The following MED26 variants were observed in gnomAD, a reference collection of about 807,000 sequenced individuals.
The protein encoded by MED26 is mediator of RNA polymerase II transcription subunit 26.
Under a neutral mutation model 43.7 loss-of-function variants are expected in MED26, and 7 were observed. The observed-to-expected ratio is 0.16, with a 90% CI of 0.09 to 0.30. The LOEUF is 0.30. MED26 is among the 10% of genes least tolerant of loss of function. The probability of loss-of-function intolerance (pLI) is 1.00; values close to 1 mark genes in which losing one functional copy is unlikely to be tolerated. For missense variants in MED26, 784 were observed against 840.6 expected (o/e 0.93, Z 0.83); for synonymous variants, 375 against 371.1 (o/e 1.01, Z -0.12).
At chr19:16,615,966 C>CA (rs2086224401) in intron 1 of MED26, among the ~76,000 whole-genome samples, 1 of 152,196 alleles carries the variant, frequency 6.6e-6, no homozygotes, top group Non-Finnish European at 1.5e-5. Context: ...CTGATTGGGT[C>CA]ACAGGTCTGT....
In MED26 at chr19:16,577,165, G is replaced by A. The variant is rs1240868433; in HGVS notation, c.665C>T (p.Pro222Leu). The A allele has an allele frequency of 1.2e-6, 2 of 1,613,334 alleles. No individual in the cohort carries two copies. The highest frequency in any genetic ancestry group is 3.3e-5 in the Admixed American group (2 of 60,036). Residue 222 changes from proline (P) to leucine (L), a missense_variant, in exon 3 of 3, where the codon CCC becomes CTC. By Grantham distance (98) the Pro-to-Leu change is moderately conservative. Transcript: ENST00000263390. The surrounding 1 kb of genome is among the most constrained non-coding windows in gnomAD (Gnocchi z 8.1). ...GGTGTGCGGTCGCACGGCGTTGACG[G>A]GGATCTTGCCACTGTGCTTGTCATT... ...DENDKHSGKI[P>L]VNAVRPHTSS...
chr19:16,586,953 T>C lies in MED26; in HGVS notation c.73-8544A>G, dbSNP rs2086073577. On this transcript the variant is annotated intron_variant, in intron 1 of 2. Transcript: ENST00000263390. The surrounding 1 kb of genome is among the most constrained non-coding windows in gnomAD (Gnocchi z 5.1). ...TAATGCAGAATGGTCTAGACAGTAA[T>C]TTACAAAAACTACTTAGCTCAAAAG... is the stretch of plus-strand genomic sequence containing the variant. The C allele has an allele frequency of 6.6e-6, 1 of 151,322 alleles. No homozygotes were observed. Among genetic ancestry groups the C allele is most frequent in the African/African-American group, 2.4e-5 (1 of 41,116 alleles). 9.4% of individuals were successfully genotyped at this position (151,322 alleles called of 1,614,324 possible). A position where few individuals can be genotyped will look rare whatever the true frequency, so the allele number is the denominator to read the frequency against.
chr19:16,605,651 C>T (rs962140741), intron 1 of MED26, among the ~76,000 whole-genome samples: 7 of 152,044 alleles, frequency 4.6e-5, no homozygotes, highest in East Asian at 1.9e-4. Flanking sequence ...CCCAGCCAGG[C>T]GGCACTAGAG....
In MED26 at chr19:16,575,543, G is replaced by A. The variant is rs1184572491; in HGVS notation, c.*484C>T. 6.3e-6 allele frequency: 1 copy of A among 159,024 alleles called. No individual in the cohort carries two copies. The highest frequency in any genetic ancestry group is 1.4e-5 in the Non-Finnish European group (1 of 71,820). The allele number at this position is 159,024 out of a possible 1,614,324, so 9.9% of individuals were successfully genotyped here. A position where few individuals can be genotyped will look rare whatever the true frequency, so the allele number is the denominator to read the frequency against. On this transcript the variant is annotated 3_prime_UTR_variant, in exon 3 of 3. Transcript: ENST00000263390. Reference sequence around the variant, plus strand: ...GCTGGGTAGGGAGCAAACAGAGGCAGTGGCATGGCCCACTGTCTCAAGACA... The same window carrying A: ...GCTGGGTAGGGAGCAAACAGAGGCAATGGCATGGCCCACTGTCTCAAGACA...
In MED26 at chr19:16,586,279, G is replaced by A. The variant is rs116503217; in HGVS notation, c.73-7870C>T. 1.2e-3 allele frequency among the ~76,000 whole-genome samples: 180 copies of A among 152,362 alleles called. No individual in the cohort carries two copies. The highest frequency in any genetic ancestry group is 4.1e-3 in the African/African-American group (172 of 41,584). On this transcript the variant is annotated intron_variant, in intron 1 of 2. Coordinates refer to ENST00000263390, the MANE Select transcript of MED26 (RefSeq NM_004831.5). This position sits in a 1 kb window ranked among gnomAD's most constrained non-coding sequence, Gnocchi z 5.1. ...CTCACAAGCGCACTCTACAGATAAG[G>A]TAACTGAGGGCCAGGAAGGTAATGG...
chr19:16,607,344 C>G (rs1225385597), intron 1 of MED26, among the ~76,000 whole-genome samples: 2 of 149,572 alleles, frequency 1.3e-5, no homozygotes, highest in Non-Finnish European at 3.0e-5. Flanking sequence ...GCACTCATGC[C>G]TGGGTGACAG....
intron 1 of MED26, among the ~76,000 whole-genome samples, chr19:16,582,487 T>C (rs1208861810): frequency 1.3e-5 from 2 of 152,168 alleles, no homozygotes; most frequent in African/African-American, 2.4e-5. Flanking sequence ...AGGAGCAAAA[T>C]AGGAGCTGGC....
rs527319888 is a variant in MED26 at position 16,584,899 on chromosome 19, G to A, written c.73-6490C>T. On this transcript the variant is annotated intron_variant, in intron 1 of 2. Coordinates refer to ENST00000263390, the MANE Select transcript of MED26 (RefSeq NM_004831.5). ...TTGGGAGAGTTCACTGATCTAGAAGGACTGGCAGCCATCTAAAGGGGAAGT... is the reference window on the plus strand; with the variant it reads ...TTGGGAGAGTTCACTGATCTAGAAGAACTGGCAGCCATCTAAAGGGGAAGT... Among the ~76,000 whole-genome samples the A allele has an allele frequency of 1.6e-4, 25 of 152,304 alleles. 1 individual carries two copies. The highest frequency in any genetic ancestry group is 5.8e-4 in the African/African-American group (24 of 41,550).
intron 1 of MED26, among the ~76,000 whole-genome samples, chr19:16,605,121 A>G (rs1009697370): frequency 1.3e-5 from 2 of 152,222 alleles, no homozygotes; most frequent in Non-Finnish European, 2.9e-5. Context: ...AGGTATACGA[A>G]TTTGTCAAAA....
rs1001871546 is a variant in MED26 at position 16,577,729 on chromosome 19, T to G, written c.148-47A>C. ...GACATACTTTCGGGACAGGAACTTC[T>G]CCATGAGCTGAGCCAGAAATGGTGG... On this transcript the variant is annotated intron_variant, in intron 2 of 2. Coordinates refer to ENST00000263390, the MANE Select transcript of MED26 (RefSeq NM_004831.5). This position sits in a 1 kb window ranked among gnomAD's most constrained non-coding sequence, Gnocchi z 8.1. The G allele has an allele frequency of 3.4e-6, 5 of 1,462,552 alleles. No individual in the cohort carries two copies. The highest frequency in any genetic ancestry group is 3.7e-6 in the Non-Finnish European group (4 of 1,082,866). The allele number at this position is 1,462,552 out of a possible 1,614,324, so 90.6% of individuals were successfully genotyped here.
At chr19:16,617,064 C>A (rs578054449) in intron 1 of MED26, among the ~76,000 whole-genome samples, 1 of 152,252 alleles carries the variant, frequency 6.6e-6, no homozygotes, top group East Asian at 1.9e-4. Context: ...GATAGGAAAC[C>A]GTGTTCACAG....
At chr19:16,608,226 T>C (rs1287681886) in intron 1 of MED26, among the ~76,000 whole-genome samples, 1 of 152,264 alleles carries the variant, frequency 6.6e-6, no homozygotes, top group African/African-American at 2.4e-5. Flanking sequence ...GTGGTGACAC[T>C]TTCAGGAATC....
chr19:16,590,386 C>T (rs1350646417), intron 1 of MED26, among the ~76,000 whole-genome samples: 1 of 152,218 alleles, frequency 6.6e-6, no homozygotes, highest in Admixed American at 6.5e-5. Context: ...TCCACTGTGA[C>T]ACAGGACACT....
At chr19:16,626,605 G>A (rs2086277041) in intron 1 of MED26, among the ~76,000 whole-genome samples, 1 of 152,164 alleles carries the variant, frequency 6.6e-6, no homozygotes, top group Non-Finnish European at 1.5e-5. Context: ...ATAAGCCAAT[G>A]TGAATTATTC....
At chr19:16,591,844 T>A (rs1160314061) in intron 1 of MED26, among the ~76,000 whole-genome samples, 1 of 152,204 alleles carries the variant, frequency 6.6e-6, no homozygotes, top group African/African-American at 2.4e-5. Context: ...GGAATTAAGC[T>A]CCTAGAGTGA....
At chr19:16,588,039 C>G (rs1272872085) in intron 1 of MED26, 2 of 152,320 alleles carry the variant, frequency 1.3e-5, no homozygotes, top group South Asian at 2.1e-4. Context: ...AACTACCAAC[C>G]TAGACTCTCC....
At chr19:16,623,555 C>G (rs2086260711) in intron 1 of MED26, among the ~76,000 whole-genome samples, 1 of 152,142 alleles carries the variant, frequency 6.6e-6, no homozygotes, top group Non-Finnish European at 1.5e-5. Flanking sequence ...GTGGTCTGGC[C>G]CAGGTTTCTG....
chr19:16,628,054 G>A lies in MED26; in HGVS notation c.-111C>T. The stretch of plus-strand genomic sequence containing the variant: ...CGGGAGCCGGAGCCGCATGTTCCCC[G>A]CGGCGCCGGGGGGTTGGGGGCGCGC... On this transcript the variant is annotated 5_prime_UTR_variant, in exon 1 of 3. Transcript: ENST00000263390. The A allele has an allele frequency of 1.7e-6, 1 of 596,120 alleles. No homozygotes were observed. Among genetic ancestry groups the A allele is most frequent in the Non-Finnish European group, 2.5e-6 (1 of 398,422 alleles). The allele number at this position is 596,120 out of a possible 1,614,324, so 36.9% of individuals were successfully genotyped here. A position where few individuals can be genotyped will look rare whatever the true frequency, so the allele number is the denominator to read the frequency against.
At chr19:16,623,381 G>T (rs1251396129) in intron 1 of MED26, among the ~76,000 whole-genome samples, 2 of 152,188 alleles carry the variant, frequency 1.3e-5, no homozygotes, top group Non-Finnish European at 1.5e-5. Flanking sequence ...TTTGGATAGG[G>T]TCAGAATCAA....
Sources: gnomAD v4.1 joint callset for allele counts (sites outside exome capture counted in the v4.1 genomes callset) on GRCh38, gnomAD v4.1.1 for gene constraint, Gnocchi (gnomAD v3.1) non-coding constraint, MANE v1.5 for transcripts, NCBI Gene and HGNC (gene_info 2026-07-23, HGNC 2026-07-21) for gene names.